The following STXBP5L variants were observed in gnomAD, a reference collection of about 807,000 sequenced individuals.
STXBP5L encodes the protein syntaxin-binding protein 5-like.
Under a neutral mutation model 144.5 loss-of-function variants are expected in STXBP5L, and 65 were observed. That is an observed-to-expected ratio of 0.45 (90% CI 0.37 to 0.55). The LOEUF is 0.55. STXBP5L is among the 20% of genes least tolerant of loss of function. The probability of loss-of-function intolerance (pLI) is 0.00; values close to 1 mark genes in which losing one functional copy is unlikely to be tolerated. For synonymous variants in STXBP5L, 505 were observed against 469.6 expected (o/e 1.08, Z -0.97); for missense variants, 1,298 against 1,405.5 (o/e 0.92, Z 1.22).
At chr3:120,955,063 C>T in intron 3 of STXBP5L, 26 bp downstream of exon 3, 1 of 1,495,424 alleles carries the variant, frequency 6.7e-7, no homozygotes, top group Non-Finnish European at 9.3e-7. Context: ...GGTTCATTAT[C>T]TGCCACAGTA....
chr3:121,357,930 A>G (rs2045581800), intron 20 of STXBP5L: 1 of 152,236 alleles, frequency 6.6e-6, no homozygotes, highest in Non-Finnish European at 1.5e-5. Context: ...TGAAGTGGAA[A>G]AGCAATATTT....
At chr3:121,040,702 C>G (rs1312812606) in intron 3 of STXBP5L, among the ~76,000 whole-genome samples, 1 of 152,048 alleles carries the variant, frequency 6.6e-6, no homozygotes, top group Non-Finnish European at 1.5e-5. Flanking sequence ...TTCAGTAGGC[C>G]TGCTAGATTT....
intron 15 of STXBP5L, among the ~76,000 whole-genome samples, chr3:121,252,196 C>T (rs1320494344): frequency 6.6e-6 from 1 of 151,844 alleles, no homozygotes; most frequent in Non-Finnish European, 1.5e-5. Flanking sequence ...CCTGTCTCTA[C>T]TAAAAAATAT....
chr3:121,034,479 A>G (rs1243655930), intron 3 of STXBP5L, among the ~76,000 whole-genome samples: 31 of 152,070 alleles, frequency 2.0e-4, no homozygotes, highest in Admixed American at 2.0e-3. Flanking sequence ...CTATGGCTGA[A>G]TAGTATTCCA....
chr3:121,119,671 C>T (rs1360885851), intron 6 of STXBP5L, among the ~76,000 whole-genome samples: 1 of 151,070 alleles, frequency 6.6e-6, no homozygotes, highest in African/African-American at 2.4e-5. Flanking sequence ...TTCTCATGAC[C>T]ATAAGTTTTT....
chr3:120,921,533 CA>C (rs1288628313), intron 2 of STXBP5L, among the ~76,000 whole-genome samples: 1 of 151,706 alleles, frequency 6.6e-6, no homozygotes, highest in Admixed American at 6.6e-5. Context: ...TGAGGTCTTA[CA>C]AAAAAATCAT....
Position 121,333,605 on chromosome 3 carries a change from A to G in STXBP5L, c.2176+15065A>G, listed in dbSNP as rs531304132. On this transcript the variant is annotated intron_variant, in intron 20 of 26. Transcript: ENST00000471454. ...AATGAAATTAGGAGCTGGATTTTTG[A>G]AAAAAAAATAAGATAAGCTGCTAAC... Among the ~76,000 whole-genome samples the G allele has an allele frequency of 1.2e-4, 18 of 150,978 alleles. No individual in the cohort carries two copies. In the South Asian group the frequency reaches 1.3e-3, roughly 11 times the overall value.
chr3:121,320,748 C>T (rs1424588035), intron 20 of STXBP5L, among the ~76,000 whole-genome samples: 4 of 149,154 alleles, frequency 2.7e-5, no homozygotes, highest in South Asian at 2.1e-4. Flanking sequence ...GTCACCCAGG[C>T]TGGAGTGCAG....
intron 9 of STXBP5L, among the ~76,000 whole-genome samples, chr3:121,177,596 A>AAAAAC (rs892743393): frequency 1.2e-4 from 19 of 152,202 alleles, no homozygotes; most frequent in Admixed American, 9.8e-4. Flanking sequence ...GATTACTGTC[A>AAAAAC]AAAACAAAAC....
chr3:121,188,944 G>C (rs1468796052), intron 9 of STXBP5L, among the ~76,000 whole-genome samples: 2 of 152,192 alleles, frequency 1.3e-5, no homozygotes, highest in Non-Finnish European at 2.9e-5. Flanking sequence ...ACATAGTTTT[G>C]AAAGTTCTGG....
chr3:121,374,294 T>A (rs1215763514), intron 20 of STXBP5L, among the ~76,000 whole-genome samples: 1 of 151,974 alleles, frequency 6.6e-6, no homozygotes, highest in Non-Finnish European at 1.5e-5. Context: ...TATAGATACA[T>A]CAACAGGAAA....
At chr3:121,278,139 A>G (rs1257483202) in intron 18 of STXBP5L, among the ~76,000 whole-genome samples, 1 of 151,926 alleles carries the variant, frequency 6.6e-6, no homozygotes, top group East Asian at 1.9e-4. Context: ...TTTGAGTTCT[A>G]GTTTCCTGTG....
intron 20 of STXBP5L, among the ~76,000 whole-genome samples, chr3:121,354,471 A>G (rs1304877350): frequency 6.8e-6 from 1 of 146,512 alleles, no homozygotes; most frequent in Non-Finnish European, 1.5e-5. Context: ...TTGTTGGTTT[A>G]AAGTCTCTTT....
intron 7 of STXBP5L, among the ~76,000 whole-genome samples, chr3:121,145,322 A>AT (rs1225541473): frequency 1.3e-5 from 2 of 151,694 alleles, no homozygotes; most frequent in Non-Finnish European, 2.9e-5. Context: ...ATCCATCAAT[A>AT]TAATTTATAT....
At chr3:121,171,110 A>T (rs1300093387) in intron 9 of STXBP5L, among the ~76,000 whole-genome samples, 10 of 152,208 alleles carry the variant, frequency 6.6e-5, no homozygotes, top group Admixed American at 5.2e-4. Flanking sequence ...TTCTCAATAG[A>T]TGCAGAAAAG....
At chr3:121,255,439 G>T (rs183133605) in intron 16 of STXBP5L, among the ~76,000 whole-genome samples, 180 of 151,790 alleles carry the variant, frequency 1.2e-3, no homozygotes, top group African/African-American at 4.2e-3. Context: ...GCATCTACCT[G>T]GCCGAAATAA....
intron 7 of STXBP5L, among the ~76,000 whole-genome samples, chr3:121,134,245 C>T (rs145809678): frequency 1.3e-4 from 20 of 152,138 alleles, no homozygotes; most frequent in African/African-American, 4.6e-4. Flanking sequence ...TGCTAATATT[C>T]TAGCTCAGGT....
intron 19 of STXBP5L, among the ~76,000 whole-genome samples, chr3:121,313,933 C>G (rs985129653): frequency 6.7e-6 from 1 of 149,000 alleles, no homozygotes; most frequent in Non-Finnish European, 1.5e-5. Flanking sequence ...TGCGGCCCAG[C>G]AGAAGCGCTC....
chr3:121,062,749 A>G (rs1290579835), intron 5 of STXBP5L, among the ~76,000 whole-genome samples: 1 of 151,884 alleles, frequency 6.6e-6, no homozygotes, highest in African/African-American at 2.4e-5. Context: ...GCTGTATTTC[A>G]TTAAGTTGCT....
Sources: allele counts gnomAD v4.1 joint callset (sites outside exome capture counted in the v4.1 genomes callset), GRCh38; gene constraint gnomAD v4.1.1; transcripts MANE v1.5; gene names NCBI Gene and HGNC (gene_info 2026-07-23, HGNC 2026-07-21).